MON2: variants seen among roughly 807,000 people sequenced by gnomAD.
MON2 encodes the protein protein MON2 homolog.
In MON2, 84 loss-of-function variants were observed where a neutral mutation model predicts 208.6. The observed-to-expected ratio is 0.40, with a 90% CI of 0.34 to 0.48. The LOEUF (loss-of-function observed/expected upper bound fraction) is 0.48. Among genes scored for constraint, MON2 ranks in the 20% least tolerant of loss-of-function variants. The pLI is 0.59. For missense variants in MON2, 1,611 were observed against 2,015.4 expected, an observed-to-expected ratio of 0.80 and a Z score of 3.84; for synonymous variants, 660 against 694.0, an observed-to-expected ratio of 0.95 and a Z score of 0.77.
chr12:62,498,809 G>A (rs2070680443), intron 4 of MON2, 110 bp from the exon 5 acceptor site: 1 of 1,140,670 alleles, frequency 8.8e-7, no homozygotes, highest in Non-Finnish European at 1.2e-6. Flanking sequence ...ATTGTAAATG[G>A]TGGGACTTTC....
intron 1 of MON2, chr12:62,482,405 A>G (rs2069500153): frequency 6.6e-6 from 1 of 152,252 alleles, no homozygotes; most frequent in Non-Finnish European, 1.5e-5. Context: ...CTAACAGGCC[A>G]TAGCATACTG....
At chr12:62,492,272 T>G (rs1303448293) in intron 2 of MON2, among the ~76,000 whole-genome samples, 2 of 152,156 alleles carry the variant, frequency 1.3e-5, no homozygotes, top group Admixed American at 1.3e-4. Context: ...AATTACTTTG[T>G]GTCAATTTCT....
chr12:62,474,249 G>T (rs1343258978), intron 1 of MON2, among the ~76,000 whole-genome samples: 2 of 151,832 alleles, frequency 1.3e-5, no homozygotes, highest in East Asian at 3.9e-4. Context: ...CTCCTGAGTA[G>T]CTGGGATTAC....
chr12:62,588,754 A>G (rs1457281419), intron 34 of MON2: 1 of 608,028 alleles, frequency 1.6e-6, no homozygotes, highest in Non-Finnish European at 2.7e-6. Context: ...TTCTAGTCAC[A>G]CTTTATTTCC....
chr12:62,555,860 C>A, intron 24 of MON2, 134 bp from the exon 25 acceptor site: 1 of 643,994 alleles, frequency 1.6e-6, no homozygotes, highest in African/African-American at 1.9e-5. Flanking sequence ...CAGTTTCCTC[C>A]AATATATAGG....
intron 2 of MON2, among the ~76,000 whole-genome samples, chr12:62,486,340 G>A (rs1432840591): frequency 6.6e-6 from 1 of 151,706 alleles, no homozygotes; most frequent in African/African-American, 2.4e-5. Flanking sequence ...CTCTTAAGAT[G>A]AGTAAGAAAA....
intron 26 of MON2, among the ~76,000 whole-genome samples, chr12:62,564,354 T>C (rs1173868038): frequency 6.6e-6 from 1 of 152,086 alleles, no homozygotes; most frequent in Non-Finnish European, 1.5e-5. Context: ...ACCTACCCTC[T>C]CAGGCATAAA....
rs759988245 is a variant in MON2, at chr12:62,535,681, C to T, written c.1872C>T (p.Thr624=). The part of the protein sequence containing the change: ...PPHYALTVLN[T]TTAATLSNKS... ...ATTATGCTCTTACTGTATTGAATAC[C>T]ACCACTGCAGCTACACTTTCCAACA... The change falls in exon 14 of 35, where the codon ACC becomes ACT. Residue 624 remains threonine (T), a synonymous_variant. Coordinates refer to ENST00000393630, the MANE Select transcript of MON2 (RefSeq NM_015026.3). 3 of 1,611,034 alleles carry T rather than the reference C, an allele frequency of 1.9e-6. No individual in the cohort carries two copies. Among genetic ancestry groups the T allele is most frequent in the Non-Finnish European group, 2.5e-6 (3 of 1,178,914 alleles).
chr12:62,519,488 ATTTAC>A (rs1240229269), intron 8 of MON2, among the ~76,000 whole-genome samples: 1 of 152,218 alleles, frequency 6.6e-6, no homozygotes, highest in African/African-American at 2.4e-5. Flanking sequence ...TTCTATCATT[ATTTAC>A]TTTATTAAGA....
At chr12:62,495,689 C>CA (rs56155110) in intron 4 of MON2, among the ~76,000 whole-genome samples, 1,425 of 108,388 alleles carry the variant, frequency 0.013, 69 homozygotes, top group Non-Finnish European at 0.021. Flanking sequence ...GACTCCGTCT[C>CA]AAAAAAAAAA....
chr12:62,590,593 A>G (rs2075368082), intron 34 of MON2, among the ~76,000 whole-genome samples: 1 of 152,174 alleles, frequency 6.6e-6, no homozygotes, highest in Non-Finnish European at 1.5e-5. Flanking sequence ...ATCCCTCCAG[A>G]AGTTTATTAT....
At chr12:62,506,700 TG>T (rs2071118160) in intron 7 of MON2, among the ~76,000 whole-genome samples, 1 of 148,710 alleles carries the variant, frequency 6.7e-6, no homozygotes, top group Admixed American at 6.8e-5. Context: ...CACTCCAGCC[TG>T]GGTAACAGAG....
intron 30 of MON2, among the ~76,000 whole-genome samples, chr12:62,576,238 C>T (rs1592444535): frequency 6.6e-6 from 1 of 151,910 alleles, no homozygotes; most frequent in African/African-American, 2.4e-5. Context: ...ATTGTATGAT[C>T]TTGTTTATGG....
intron 29 of MON2, among the ~76,000 whole-genome samples, chr12:62,570,730 T>C (rs1440179449): frequency 1.5e-5 from 2 of 129,348 alleles, no homozygotes; most frequent in African/African-American, 3.0e-5. Flanking sequence ...TTCTTTTTTT[T>C]TTTTTTTTTT....
At chr12:62,553,606 G>A (rs143932478) in intron 24 of MON2, among the ~76,000 whole-genome samples, 1 of 152,282 alleles carries the variant, frequency 6.6e-6, no homozygotes. Flanking sequence ...TTTATTAACA[G>A]ATGAATATCA....
chr12:62,501,684 C>T lies in MON2; in HGVS notation c.775C>T (p.Gln259Ter). 1 of 1,614,096 alleles carries T rather than the reference C, an allele frequency of 6.2e-7. No individual in the cohort carries two copies. The highest frequency in any genetic ancestry group is 8.5e-7 in the Non-Finnish European group (1 of 1,179,962). The change falls in exon 7 of 35, where the codon CAG (glutamine) becomes TAG (stop). Residue 259 changes from glutamine (Q) to a stop codon, truncating the protein, a stop_gained. Transcript: ENST00000393630. LOFTEE classifies it high-confidence loss of function. ...TGAGTCAGTCCTCAATGATTTTCCG[C>T]AGGTCTTTTTACAAGTAAGCCATTT... The part of the protein sequence containing the change: ...LLESVLNDFP[Q>*]VFLQHQEFSF...
intron 2 of MON2, chr12:62,489,924 A>G: frequency 2.2e-6 from 1 of 464,422 alleles, no homozygotes. Flanking sequence ...TTCTTTCATA[A>G]GAATTGAAGT....
chr12:62,564,475 C>T (rs962042996), intron 26 of MON2, among the ~76,000 whole-genome samples: 4 of 150,794 alleles, frequency 2.7e-5, no homozygotes, highest in East Asian at 1.9e-4. Flanking sequence ...CAAGAAAATA[C>T]GAAAAGAAAA....
chr12:62,569,360 G>A (rs1433261634), intron 29 of MON2, among the ~76,000 whole-genome samples: 1 of 152,090 alleles, frequency 6.6e-6, no homozygotes, highest in Non-Finnish European at 1.5e-5. Context: ...GGAACTTTTG[G>A]GCATGCTTAA....
Sources: gnomAD v4.1 joint callset for allele counts (sites outside exome capture counted in the v4.1 genomes callset) on GRCh38, gnomAD v4.1.1 for gene constraint, MANE v1.5 for transcripts, NCBI Gene and HGNC (gene_info 2026-07-23, HGNC 2026-07-21) for gene names.